The following CACHD1 variants were observed in gnomAD, a reference collection of about 807,000 sequenced individuals.
The protein encoded by CACHD1 is VWFA and cache domain-containing protein 1.
Under a neutral mutation model 138.7 loss-of-function variants are expected in CACHD1, and 71 were observed. That is an observed-to-expected ratio of 0.51 (90% CI 0.42 to 0.62). The LOEUF (loss-of-function observed/expected upper bound fraction) is 0.62. Among genes scored for constraint, CACHD1 ranks in the 20% least tolerant of loss-of-function variants. The pLI is 0.00. For synonymous variants in CACHD1, 578 were observed against 591.5 expected, an observed-to-expected ratio of 0.98 and a Z score of 0.33; for missense variants, 1,389 against 1,625.3, an observed-to-expected ratio of 0.85 and a Z score of 2.50.
intron 2 of CACHD1, among the ~76,000 whole-genome samples, chr1:64,557,666 C>T (rs1570363853): frequency 6.6e-6 from 1 of 152,246 alleles, no homozygotes; most frequent in East Asian, 1.9e-4. Flanking sequence ...CTTGACCCCA[C>T]TTTCCTTTCC....
At chr1:64,601,276 G>A (rs1425376662) in intron 3 of CACHD1, among the ~76,000 whole-genome samples, 1 of 152,182 alleles carries the variant, frequency 6.6e-6, no homozygotes, top group African/African-American at 2.4e-5. Context: ...GACTTAGTGT[G>A]GCTAGCTATA....
intron 2 of CACHD1, among the ~76,000 whole-genome samples, chr1:64,577,473 A>G (rs1646977343): frequency 6.6e-6 from 1 of 152,160 alleles, no homozygotes; most frequent in African/African-American, 2.4e-5. Flanking sequence ...TGATCTCCAT[A>G]TTACAAAGAG....
chr1:64,635,436 T>TACA, intron 7 of CACHD1, among the ~76,000 whole-genome samples: 1 of 140,602 alleles, frequency 7.1e-6, no homozygotes, highest in Non-Finnish European at 1.5e-5. Context: ...CAGCCTGGAG[T>TACA]GTGATCGCGC....
chr1:64,593,881 T>C (rs772465073), intron 3 of CACHD1, among the ~76,000 whole-genome samples: 3 of 152,230 alleles, frequency 2.0e-5, no homozygotes, highest in Non-Finnish European at 4.4e-5. Context: ...GTTACTTACA[T>C]TACATTCTTC....
At chr1:64,650,116 A>T (rs534516383) in intron 9 of CACHD1, among the ~76,000 whole-genome samples, 1 of 152,258 alleles carries the variant, frequency 6.6e-6, no homozygotes, top group Non-Finnish European at 1.5e-5. Flanking sequence ...TGTCAATATA[A>T]CAGGAGCTTA....
chr1:64,516,931 G>C (rs1016817846), intron 1 of CACHD1, among the ~76,000 whole-genome samples: 2 of 152,176 alleles, frequency 1.3e-5, no homozygotes, highest in Non-Finnish European at 1.5e-5. Flanking sequence ...ACTGGAGTCA[G>C]ACAGACTTGG....
At chr1:64,515,974 A>G (rs942786094) in intron 1 of CACHD1, among the ~76,000 whole-genome samples, 5 of 152,178 alleles carry the variant, frequency 3.3e-5, no homozygotes, top group Non-Finnish European at 7.4e-5. Flanking sequence ...AATTCAGGGC[A>G]TGTTTCATAG....
intron 26 of CACHD1, among the ~76,000 whole-genome samples, chr1:64,684,363 C>CTTTTTTTTTTTTTTTTTTTTTTTTT (rs397980387): frequency 1.8e-5 from 1 of 54,980 alleles, no homozygotes; most frequent in African/African-American, 7.7e-5. Context: ...TCTTCTTCTT[C>CTTTTTTTTTTTTTTTTTTTTTTTTT]TTTTTTTTTT....
intron 2 of CACHD1, among the ~76,000 whole-genome samples, chr1:64,561,439 C>T (rs950327271): frequency 5.9e-5 from 9 of 152,052 alleles, no homozygotes; most frequent in African/African-American, 2.2e-4. Context: ...ATTTCTTATG[C>T]TCTTTGTTTC....
chr1:64,631,771 T>C (rs867461334), intron 5 of CACHD1, among the ~76,000 whole-genome samples: 1 of 151,974 alleles, frequency 6.6e-6, no homozygotes, highest in Non-Finnish European at 1.5e-5. Flanking sequence ...CCCAACCCCC[T>C]TTTTTTCAAT....
chr1:64,551,130 A>T (rs921108115), intron 2 of CACHD1, among the ~76,000 whole-genome samples: 1 of 152,150 alleles, frequency 6.6e-6, no homozygotes, highest in Non-Finnish European at 1.5e-5. Context: ...AATGATGACA[A>T]ATTGACCAAG....
At chr1:64,564,319 A>G (rs1646864497) in intron 2 of CACHD1, among the ~76,000 whole-genome samples, 5 of 152,204 alleles carry the variant, frequency 3.3e-5, no homozygotes, top group Middle Eastern at 6.8e-3. Flanking sequence ...TTTTATCTGT[A>G]TAACAAGACA....
At chr1:64,685,916 G>T (rs912943646) in intron 26 of CACHD1, among the ~76,000 whole-genome samples, 4 of 152,030 alleles carry the variant, frequency 2.6e-5, no homozygotes, top group African/African-American at 9.7e-5. Context: ...CATATGATAG[G>T]CACGGTGCTC....
At chr1:64,515,543 A>G (rs1368040083) in intron 1 of CACHD1, among the ~76,000 whole-genome samples, 1 of 152,168 alleles carries the variant, frequency 6.6e-6, no homozygotes, top group Admixed American at 6.5e-5. Flanking sequence ...TTCTTAAATC[A>G]TTTTGACTAT....
At chr1:64,607,110 A>G (rs1647365133) in intron 4 of CACHD1, among the ~76,000 whole-genome samples, 2 of 152,298 alleles carry the variant, frequency 1.3e-5, no homozygotes, top group South Asian at 4.1e-4. Flanking sequence ...AGGCTCATTT[A>G]GATCACGTAG....
rs909744743 is a variant in CACHD1, at chr1:64,470,584, G to A, written c.-161G>A. ...GCCCGCGCTCCCGCGCTGTAGCCGGGCGCCCCCTAAGTTTGGGAGCCTTCG... is the reference window on the plus strand; with the variant it reads ...GCCCGCGCTCCCGCGCTGTAGCCGGACGCCCCCTAAGTTTGGGAGCCTTCG... On this transcript the variant is annotated 5_prime_UTR_variant, in exon 1 of 27. Transcript: ENST00000651257. The surrounding 1 kb of genome is among the most constrained non-coding windows in gnomAD (Gnocchi z 5.2). Among the ~76,000 whole-genome samples, 8 of 151,896 alleles carry A rather than the reference G, an allele frequency of 5.3e-5. No individual in the cohort carries two copies. Among genetic ancestry groups the A allele is most frequent in the Non-Finnish European group, 1.2e-4 (8 of 67,944 alleles).
At position 64,470,994 on chromosome 1, in the gene CACHD1, C is replaced by A. The variant is rs779229260; in HGVS notation, c.198+52C>A. 2.6e-6 allele frequency: 4 copies of A among 1,511,372 alleles called. No individual in the cohort carries two copies. In the Admixed American group the frequency reaches 7.9e-5, roughly 30 times the overall value. 93.6% of individuals were successfully genotyped at this position (1,511,372 alleles called of 1,614,324 possible). A position where few individuals can be genotyped will look rare whatever the true frequency, so the allele number is the denominator to read the frequency against. On this transcript the variant is annotated intron_variant, in intron 1 of 26. Coordinates refer to ENST00000651257, the MANE Select transcript of CACHD1 (RefSeq NM_020925.4). The surrounding 1 kb of genome is among the most constrained non-coding windows in gnomAD (Gnocchi z 5.2). The stretch of plus-strand genomic sequence containing the variant: ...ATCCCGCCTTTCTCCTTTGCTCAAA[C>A]TCCCATCCCACTCCCGGTACAAGTC...
At chr1:64,477,626 TTTATTTTA>T (rs1557455093) in intron 1 of CACHD1, among the ~76,000 whole-genome samples, 75 of 109,392 alleles carry the variant, frequency 6.9e-4, no homozygotes, top group Middle Eastern at 4.2e-3. Context: ...TTATTATTAT[TTTATTTTA>T]TTTTTTTTTT....
At chr1:64,593,926 C>T (rs1054294012) in intron 3 of CACHD1, among the ~76,000 whole-genome samples, 7 of 152,174 alleles carry the variant, frequency 4.6e-5, no homozygotes, top group African/African-American at 1.7e-4. Context: ...GGGGTAGAAA[C>T]TGTCTCTGCC....
Sources: allele counts gnomAD v4.1 joint callset (sites outside exome capture counted in the v4.1 genomes callset), GRCh38; gene constraint gnomAD v4.1.1; non-coding constraint Gnocchi (gnomAD v3.1); transcripts MANE v1.5; gene names NCBI Gene and HGNC (gene_info 2026-07-23, HGNC 2026-07-21).